USP25: variants seen among roughly 807,000 people sequenced by gnomAD.
USP25 encodes the protein ubiquitin specific peptidase 25.
Under a neutral mutation model 158.5 loss-of-function variants are expected in USP25, and 85 were observed. The observed-to-expected ratio is 0.54, with a 90% CI of 0.45 to 0.64. USP25 has a LOEUF of 0.64. Among genes scored for constraint, USP25 ranks in the 30% least tolerant of loss-of-function variants. The probability of loss-of-function intolerance (pLI) is 0.00; values close to 1 mark genes in which losing one functional copy is unlikely to be tolerated. For synonymous variants in USP25, 464 were observed against 460.4 expected (o/e 1.01, Z -0.10); for missense variants, 1,242 against 1,327.3 (o/e 0.94, Z 1.00).
rs71331787 is a variant in USP25, at chr21:15,748,454, GTTTTTTTTTTT to G, written c.46-14421_46-14411del. 5.4e-4 allele frequency among the ~76,000 whole-genome samples: 43 copies of G among 79,010 alleles called. 1 individual carries two copies. The highest frequency in any genetic ancestry group is 8.6e-4 in the Non-Finnish European group (36 of 41,628). The allele number at this position is 79,010 out of a possible 152,430, so 51.8% of individuals were successfully genotyped here. A position where few individuals can be genotyped will look rare whatever the true frequency, so the allele number is the denominator to read the frequency against. On this transcript the variant is annotated intron_variant, in intron 1 of 25. Transcript: ENST00000400183. ...GTACCATCCACCCAGCTACTTTTTA[GTTTTTTTTTTT>G]TTTTTTTTTTTTTTTGTAGAGATGG...
At chr21:15,770,926 T>C (rs1041888483) in intron 3 of USP25, among the ~76,000 whole-genome samples, 6 of 152,336 alleles carry the variant, frequency 3.9e-5, no homozygotes, top group Admixed American at 3.3e-4. Flanking sequence ...TTATGTCTTC[T>C]GGCTTTTAAG....
At chr21:15,820,185 A>G (rs2037161550) in intron 10 of USP25, among the ~76,000 whole-genome samples, 1 of 152,020 alleles carries the variant, frequency 6.6e-6, no homozygotes, top group South Asian at 2.1e-4. Flanking sequence ...TTAAAATCCG[A>G]TCTGTTTGCT....
At chr21:15,777,693 C>T (rs867648972) in intron 3 of USP25, among the ~76,000 whole-genome samples, 1 of 152,118 alleles carries the variant, frequency 6.6e-6, no homozygotes, top group South Asian at 2.1e-4. Context: ...CTGCTTACTG[C>T]TTTAGGTATA....
At position 15,765,866 on chromosome 21, in the gene USP25, A is replaced by G. The variant is rs2034010343; in HGVS notation, c.124-131A>G. The G allele has an allele frequency of 3.9e-6, 3 of 765,318 alleles. No individual in the cohort carries two copies. In the South Asian group the frequency reaches 6.9e-5, roughly 18 times the overall value. The allele number at this position is 765,318 out of a possible 1,614,324, so 47.4% of individuals were successfully genotyped here. On this transcript the variant is annotated intron_variant, in intron 2 of 25. Coordinates refer to ENST00000400183, the MANE Select transcript of USP25 (RefSeq NM_001283041.3). ...TATGATGCATTTACACTATAAAATTAGAATCACATATAGATTAATTGCAAA... is the reference window on the plus strand; with the variant it reads ...TATGATGCATTTACACTATAAAATTGGAATCACATATAGATTAATTGCAAA...
At chr21:15,852,408 C>T (rs1299063059) in intron 20 of USP25, among the ~76,000 whole-genome samples, 1 of 152,144 alleles carries the variant, frequency 6.6e-6, no homozygotes, top group African/African-American at 2.4e-5. Flanking sequence ...CTTTGTATCT[C>T]AGTTTCCCGA....
Position 15,830,526 on chromosome 21 carries a change from C to T in USP25, c.1694-5C>T. ...TAATCATTAAATGACACCTTATATC[C>T]TTAGATTTGCAGGAAAGCATATCCA... is the stretch of plus-strand genomic sequence containing the variant. On this transcript the variant is annotated splice_polypyrimidine_tract_variant and splice_region_variant and intron_variant, in intron 14 of 25. Coordinates refer to ENST00000400183, the MANE Select transcript of USP25 (RefSeq NM_001283041.3). 6.2e-7 allele frequency: 1 copy of T among 1,601,668 alleles called. No individual in the cohort carries two copies. Among genetic ancestry groups the T allele is most frequent in the Non-Finnish European group, 8.5e-7 (1 of 1,174,294 alleles).
intron 11 of USP25, among the ~76,000 whole-genome samples, chr21:15,824,521 T>TCTCTCTGTCTTC (rs1224174928): frequency 2.7e-5 from 4 of 148,290 alleles, no homozygotes; most frequent in African/African-American, 1.1e-4. Context: ...TGTCTTTCTT[T>TCTCTCTGTCTTC]CTGTCTCTCT....
In USP25 at chr21:15,777,884, A is replaced by G. The variant is rs777822993; in HGVS notation, c.269-20A>G. ...TTTTGTTTTACTTTTAATTTTGAGA[A>G]AGATAGTTTTGCTTTTCAGATGTGA... On this transcript the variant is annotated intron_variant, in intron 3 of 25. Coordinates refer to ENST00000400183, the MANE Select transcript of USP25 (RefSeq NM_001283041.3). 2 of 1,564,594 alleles carry G rather than the reference A, an allele frequency of 1.3e-6. No individual in the cohort carries two copies. The highest frequency in any genetic ancestry group is 2.1e-5 in the Admixed American group (1 of 47,364).
At chr21:15,839,595 C>A (rs1320778718) in intron 17 of USP25, among the ~76,000 whole-genome samples, 2 of 152,110 alleles carry the variant, frequency 1.3e-5, no homozygotes, top group Non-Finnish European at 2.9e-5. Context: ...CTGAGTAATG[C>A]AAAGAGTTTT....
At chr21:15,817,009 G>A (rs1344905136) in intron 9 of USP25, among the ~76,000 whole-genome samples, 1 of 151,930 alleles carries the variant, frequency 6.6e-6, no homozygotes, top group African/African-American at 2.4e-5. Flanking sequence ...GTGGGCGCCT[G>A]TAATCCCAGC....
intron 16 of USP25, 150 bp from the exon 17 acceptor site, chr21:15,833,198 T>G (rs910743373): frequency 1.5e-6 from 1 of 667,426 alleles, no homozygotes; most frequent in African/African-American, 1.8e-5. Context: ...TAATAATTAT[T>G]TGCTAAGCAA....
At chr21:15,842,577 T>C in intron 18 of USP25, 37 bp downstream of exon 18, 1 of 1,607,144 alleles carries the variant, frequency 6.2e-7, no homozygotes, top group Non-Finnish European at 8.5e-7. Context: ...AACATAGCCA[T>C]GGTCACGACA....
At chr21:15,834,137 C>T (rs1362635335) in intron 17 of USP25, among the ~76,000 whole-genome samples, 3 of 151,998 alleles carry the variant, frequency 2.0e-5, no homozygotes, top group Non-Finnish European at 2.9e-5. Context: ...GATATAAATG[C>T]ATAAACATAT....
intron 3 of USP25, among the ~76,000 whole-genome samples, chr21:15,772,723 T>C (rs978055583): frequency 1.7e-4 from 26 of 152,238 alleles, no homozygotes; most frequent in African/African-American, 6.3e-4. Flanking sequence ...ATTATTCCAC[T>C]AAGTCCAGAA....
intron 1 of USP25, among the ~76,000 whole-genome samples, chr21:15,757,170 C>T (rs907032655): frequency 6.6e-6 from 1 of 152,162 alleles, no homozygotes; most frequent in African/African-American, 2.4e-5. Flanking sequence ...AAAAACACAA[C>T]TGGAAGATGC....
chr21:15,740,869 C>T (rs2123215440), intron 1 of USP25, among the ~76,000 whole-genome samples: 1 of 151,772 alleles, frequency 6.6e-6, no homozygotes, highest in South Asian at 2.1e-4. Flanking sequence ...TCCCTCTTTT[C>T]TACACCACCC....
At chr21:15,741,467 G>A (rs1048380541) in intron 1 of USP25, among the ~76,000 whole-genome samples, 1 of 152,078 alleles carries the variant, frequency 6.6e-6, no homozygotes, top group Non-Finnish European at 1.5e-5. Context: ...CAATATAGGA[G>A]AATTTCAGGT....
chr21:15,746,481 G>A (rs886549080), intron 1 of USP25, among the ~76,000 whole-genome samples: 4 of 151,520 alleles, frequency 2.6e-5, no homozygotes, highest in Non-Finnish European at 5.9e-5. Flanking sequence ...TGCAACCGCC[G>A]CCTCCCAGGT....
At chr21:15,793,196 G>T (rs886941363) in intron 5 of USP25, among the ~76,000 whole-genome samples, 1 of 151,572 alleles carries the variant, frequency 6.6e-6, no homozygotes, top group Non-Finnish European at 1.5e-5. Flanking sequence ...TTGATTAGAA[G>T]CTTTTCTTAG....
Sources: allele counts gnomAD v4.1 joint callset (sites outside exome capture counted in the v4.1 genomes callset), GRCh38; gene constraint gnomAD v4.1.1; transcripts MANE v1.5; gene names NCBI Gene and HGNC (gene_info 2026-07-23, HGNC 2026-07-21).